The following ANKS1B variants were observed in gnomAD, a reference collection of about 807,000 sequenced individuals.
ANKS1B encodes the protein ankyrin repeat and sterile alpha motif domain containing 1B.
A neutral mutation model predicts 148.3 loss-of-function variants in ANKS1B; 36 were observed. The ratio of observed to expected loss-of-function variants is 0.24; its 90% CI spans 0.19 to 0.32. The LOEUF is 0.32. Among genes scored for constraint, ANKS1B ranks in the 10% least tolerant of loss-of-function variants. The pLI is 1.00. For missense variants in ANKS1B, 1,157 were observed against 1,542.6 expected (o/e 0.75, Z 4.19); for synonymous variants, 542 against 560.8 (o/e 0.97, Z 0.47).
At chr12:98,891,114 T>C (rs906596398) in intron 17 of ANKS1B, among the ~76,000 whole-genome samples, 3 of 152,228 alleles carry the variant, frequency 2.0e-5, no homozygotes, top group African/African-American at 7.2e-5. Flanking sequence ...AGAAAAATTG[T>C]TTTGAGATTT....
intron 19 of ANKS1B, among the ~76,000 whole-genome samples, chr12:98,823,000 C>T (rs1043497773): frequency 6.6e-6 from 1 of 152,156 alleles, no homozygotes; most frequent in Non-Finnish European, 1.5e-5. Context: ...TCAGATAGAG[C>T]AGGGTGTATT....
chr12:99,383,484 A>C (rs141274398), intron 12 of ANKS1B, among the ~76,000 whole-genome samples: 1 of 152,298 alleles, frequency 6.6e-6, no homozygotes, highest in African/African-American at 2.4e-5. Context: ...GATCAGTTTC[A>C]GTTCCTTGAC....
chr12:98,820,466 T>C (rs1186877021), intron 19 of ANKS1B, among the ~76,000 whole-genome samples: 11 of 152,246 alleles, frequency 7.2e-5, no homozygotes, highest in Non-Finnish European at 7.3e-5. Context: ...CAATCTGATC[T>C]GTCGTAGAGC....
intron 17 of ANKS1B, among the ~76,000 whole-genome samples, chr12:99,052,367 C>T (rs1379933687): frequency 1.3e-5 from 2 of 152,162 alleles, no homozygotes; most frequent in Non-Finnish European, 2.9e-5. Flanking sequence ...TTTGATAATA[C>T]AGCAGCCTAT....
intron 22 of ANKS1B, among the ~76,000 whole-genome samples, chr12:98,793,286 T>G (rs2098907078): frequency 6.6e-6 from 1 of 152,266 alleles, no homozygotes; most frequent in African/African-American, 2.4e-5. Context: ...TTGTAAGTCT[T>G]CTTTTGATAA....
intron 17 of ANKS1B, among the ~76,000 whole-genome samples, chr12:99,037,366 A>C (rs1242328612): frequency 6.6e-6 from 1 of 152,022 alleles, no homozygotes; most frequent in Non-Finnish European, 1.5e-5. Context: ...AATACAGAAA[A>C]CTAGCTGGGT....
intron 9 of ANKS1B, among the ~76,000 whole-genome samples, chr12:99,577,363 GA>G (rs1567392190): frequency 1.3e-5 from 2 of 149,216 alleles, no homozygotes; most frequent in African/African-American, 2.4e-5. Context: ...GCTAGCAGAA[GA>G]AAAAAAATAA....
intron 9 of ANKS1B, among the ~76,000 whole-genome samples, chr12:99,635,938 A>C (rs1000922018): frequency 2.2e-4 from 33 of 152,258 alleles, no homozygotes; most frequent in African/African-American, 7.9e-4. Flanking sequence ...TATACGAAGA[A>C]AATAAGGTAA....
chr12:99,933,211 T>C (rs2094670816), intron 1 of ANKS1B, among the ~76,000 whole-genome samples: 1 of 152,164 alleles, frequency 6.6e-6, no homozygotes, highest in African/African-American at 2.4e-5. Flanking sequence ...TCCGGTTTTG[T>C]TCATTTTGCT....
chr12:99,060,804 C>T (rs1329697410), intron 16 of ANKS1B, among the ~76,000 whole-genome samples: 1 of 150,140 alleles, frequency 6.7e-6, no homozygotes, highest in African/African-American at 2.5e-5. Context: ...GATGACGGAG[C>T]CACAGGATGG....
chr12:98,873,188 A>C (rs1305587367), intron 17 of ANKS1B, among the ~76,000 whole-genome samples: 1 of 152,132 alleles, frequency 6.6e-6, no homozygotes, highest in Non-Finnish European at 1.5e-5. Flanking sequence ...ATATCACACC[A>C]TGTTAGAATT....
At chr12:98,945,536 GGA>G (rs1231664866) in intron 17 of ANKS1B, among the ~76,000 whole-genome samples, 3 of 115,442 alleles carry the variant, frequency 2.6e-5, no homozygotes, top group Admixed American at 8.9e-5. Context: ...AAAAAAAAAG[GGA>G]GAGAGAGAGA....
At chr12:99,853,836 G>GA (rs1565865650) in intron 1 of ANKS1B, among the ~76,000 whole-genome samples, 1 of 152,028 alleles carries the variant, frequency 6.6e-6, no homozygotes, top group East Asian at 1.9e-4. Flanking sequence ...TACAGGATAT[G>GA]AATGGAAAAA....
intron 26 of ANKS1B, among the ~76,000 whole-genome samples, chr12:98,748,435 C>A (rs1340717053): frequency 1.3e-5 from 2 of 152,188 alleles, no homozygotes; most frequent in African/African-American, 4.8e-5. Flanking sequence ...TCAGGTGGAT[C>A]TACACCATGG....
intron 1 of ANKS1B, among the ~76,000 whole-genome samples, chr12:99,839,255 A>C (rs192437008): frequency 1.1e-4 from 16 of 152,306 alleles, no homozygotes; most frequent in Admixed American, 2.6e-4. Flanking sequence ...AATTTAAAAA[A>C]AAGTTTTGGC....
intron 9 of ANKS1B, among the ~76,000 whole-genome samples, chr12:99,606,766 A>T (rs2097854399): frequency 6.6e-6 from 1 of 152,136 alleles, no homozygotes; most frequent in Non-Finnish European, 1.5e-5. Flanking sequence ...ACCTAACTGT[A>T]TTCATTCTTA....
At chr12:99,219,889 C>T (rs534705135) in intron 14 of ANKS1B, among the ~76,000 whole-genome samples, 6 of 152,292 alleles carry the variant, frequency 3.9e-5, no homozygotes, top group African/African-American at 1.4e-4. Context: ...ATCTCCAAAC[C>T]CTGAAGGAAC....
At chr12:98,897,355 C>T (rs924924229) in intron 17 of ANKS1B, among the ~76,000 whole-genome samples, 1 of 151,620 alleles carries the variant, frequency 6.6e-6, no homozygotes, top group Admixed American at 6.6e-5. Context: ...TATCCATAAT[C>T]GATAAGGAAC....
At chr12:98,857,649 AAATG>A (rs1595640102) in intron 17 of ANKS1B, among the ~76,000 whole-genome samples, 1 of 152,050 alleles carries the variant, frequency 6.6e-6, no homozygotes, top group East Asian at 1.9e-4. Context: ...AAATATGAAT[AAATG>A]AATGAATGAA....
Sources: gnomAD v4.1 joint callset for allele counts (sites outside exome capture counted in the v4.1 genomes callset) on GRCh38, gnomAD v4.1.1 for gene constraint, MANE v1.5 for transcripts, NCBI Gene and HGNC (gene_info 2026-07-23, HGNC 2026-07-21) for gene names.